Variants in PCSK5 observed in about 807,000 individuals in gnomAD.
PCSK5 encodes the protein proprotein convertase subtilisin/kexin type 5.
A neutral mutation model predicts 233.2 loss-of-function variants in PCSK5; 129 were observed. The ratio of observed to expected loss-of-function variants is 0.55; its 90% CI spans 0.48 to 0.64. The LOEUF (loss-of-function observed/expected upper bound fraction) is 0.64. PCSK5 is among the 30% of genes least tolerant of loss of function. PCSK5 has a pLI of 0.00. For synonymous variants in PCSK5, 825 were observed against 879.2 expected, an observed-to-expected ratio of 0.94 and a Z score of 1.09; for missense variants, 2,076 against 2,430.1, an observed-to-expected ratio of 0.85 and a Z score of 3.06.
chr9:76,057,552 A>G (rs972844362), intron 5 of PCSK5, among the ~76,000 whole-genome samples: 1 of 152,188 alleles, frequency 6.6e-6, no homozygotes. Context: ...TTCAGCTCAG[A>G]TAATTTCACT....
chr9:76,340,660 CTT>C (rs1244673409), intron 35 of PCSK5, among the ~76,000 whole-genome samples: 1 of 112,552 alleles, frequency 8.9e-6, no homozygotes, highest in African/African-American at 3.2e-5. Context: ...AAAAAAAAAA[CTT>C]CAAATATTGT....
intron 5 of PCSK5, among the ~76,000 whole-genome samples, chr9:76,030,609 T>TA (rs1828614633): frequency 6.6e-6 from 1 of 152,176 alleles, no homozygotes. Context: ...AAAAGAAAGT[T>TA]AAAAACCTTT....
At chr9:76,189,955 G>C (rs1824286171) in intron 20 of PCSK5, among the ~76,000 whole-genome samples, 1 of 152,130 alleles carries the variant, frequency 6.6e-6, no homozygotes, top group Admixed American at 6.5e-5. Flanking sequence ...CAGTGGCACT[G>C]GCCAATATGG....
At chr9:75,905,160 T>C (rs1159493246) in intron 1 of PCSK5, among the ~76,000 whole-genome samples, 1 of 151,858 alleles carries the variant, frequency 6.6e-6, no homozygotes, top group Non-Finnish European at 1.5e-5. Context: ...TGGTGGGAAA[T>C]GGGGAGTGGC....
At chr9:76,265,768 A>G (rs1006631969) in intron 24 of PCSK5, among the ~76,000 whole-genome samples, 1 of 152,212 alleles carries the variant, frequency 6.6e-6, no homozygotes, top group Non-Finnish European at 1.5e-5. Flanking sequence ...AAATGTATGT[A>G]TAATATATAA....
At chr9:76,310,937 A>C in intron 30 of PCSK5, 86 bp downstream of exon 30, 1 of 899,952 alleles carries the variant, frequency 1.1e-6, no homozygotes, top group Non-Finnish European at 1.6e-6. Flanking sequence ...TCACCAAAAA[A>C]CTCTTCTCTG....
chr9:76,327,195 C>T (rs749212838), intron 32 of PCSK5, among the ~76,000 whole-genome samples: 1 of 151,606 alleles, frequency 6.6e-6, no homozygotes, highest in Non-Finnish European at 1.5e-5. Context: ...CAGCCTTGAC[C>T]TCCTGGGCTC....
At chr9:76,046,173 T>G (rs75176285) in intron 5 of PCSK5, among the ~76,000 whole-genome samples, 4,233 of 84,342 alleles carry the variant, frequency 0.05, 45 homozygotes, top group South Asian at 0.2. Context: ...TTTTTTTTTT[T>G]TTTTTTTTTT....
chr9:76,014,229 A>G (rs1827853362), intron 3 of PCSK5, among the ~76,000 whole-genome samples: 1 of 152,154 alleles, frequency 6.6e-6, no homozygotes, highest in Admixed American at 6.5e-5. Flanking sequence ...TGTTCCCATA[A>G]TTATTAAATA....
intron 1 of PCSK5, among the ~76,000 whole-genome samples, chr9:75,909,701 A>T (rs1822639871): frequency 6.6e-6 from 1 of 152,196 alleles, no homozygotes; most frequent in African/African-American, 2.4e-5. Context: ...GTCTCAAGAA[A>T]AAAAATGCCC....
intron 2 of PCSK5, among the ~76,000 whole-genome samples, chr9:75,953,291 A>G (rs1046543190): frequency 7.9e-5 from 12 of 152,158 alleles, no homozygotes; most frequent in African/African-American, 2.7e-4. Flanking sequence ...GTGAGGAAGC[A>G]AAAGAAGTGA....
intron 2 of PCSK5, among the ~76,000 whole-genome samples, chr9:75,958,251 A>G (rs1825181457): frequency 6.6e-6 from 1 of 152,168 alleles, no homozygotes; most frequent in Admixed American, 6.5e-5. Flanking sequence ...GGTGAGAACA[A>G]TCCCCTGTAA....
Position 76,362,554 on chromosome 9 carries a change from A to G in PCSK5, c.*3632A>G, listed in dbSNP as rs1483794105. 2.6e-5 allele frequency among the ~76,000 whole-genome samples: 4 copies of G among 152,208 alleles called. No individual in the cohort carries two copies. The highest frequency in any genetic ancestry group is 5.9e-5 in the Non-Finnish European group (4 of 68,038). On this transcript the variant is annotated 3_prime_UTR_variant, in exon 38 of 38. Coordinates refer to ENST00000674117, the MANE Select transcript of PCSK5 (RefSeq NM_001372043.1). The stretch of plus-strand genomic sequence containing the variant: ...TTTCTGCCTCATCAGCACTGCCTCA[A>G]TCTAAGGGAGGAAACCACCCCTCAT...
chr9:76,325,149 G>A (rs896630446), intron 32 of PCSK5, among the ~76,000 whole-genome samples: 6 of 152,116 alleles, frequency 3.9e-5, no homozygotes, highest in Admixed American at 6.6e-5. Flanking sequence ...CAGAAGAGGC[G>A]GGTGTTCGTG....
At chr9:75,911,409 C>T (rs190763158) in intron 1 of PCSK5, among the ~76,000 whole-genome samples, 286 of 152,022 alleles carry the variant, frequency 1.9e-3, no homozygotes, top group African/African-American at 6.6e-3. Flanking sequence ...CCTTTGCCAT[C>T]GTTCTGTCCT....
chr9:75,934,777 T>A (rs1233791038), intron 2 of PCSK5, among the ~76,000 whole-genome samples: 1 of 152,050 alleles, frequency 6.6e-6, no homozygotes, highest in African/African-American at 2.4e-5. Flanking sequence ...AGATGGGGTT[T>A]CACCATGCTG....
In PCSK5 at chr9:76,169,687, GT is replaced by G; in HGVS notation, c.1620-13del. The G allele has an allele frequency of 6.2e-7, 1 of 1,611,408 alleles. No homozygotes were observed. The highest frequency in any genetic ancestry group is 8.5e-7 in the Non-Finnish European group (1 of 1,178,170). ...GATTTGAAATATCGCACATAACAAT[GT>G]TTTGTTCACTTTCAGGCTATTTGAT... On this transcript the variant is annotated splice_polypyrimidine_tract_variant and intron_variant, in intron 12 of 37. Coordinates refer to ENST00000674117, the MANE Select transcript of PCSK5 (RefSeq NM_001372043.1).
At chr9:75,942,803 C>T (rs2131304579) in intron 2 of PCSK5, among the ~76,000 whole-genome samples, 2 of 151,610 alleles carry the variant, frequency 1.3e-5, no homozygotes, top group East Asian at 3.9e-4. Flanking sequence ...TTTGCATAAT[C>T]TCTTTAGCCA....
chr9:76,171,729 C>T (rs1823338846), intron 13 of PCSK5, among the ~76,000 whole-genome samples: 1 of 152,164 alleles, frequency 6.6e-6, no homozygotes, highest in South Asian at 2.1e-4. Context: ...TTTAAATGTT[C>T]ACATTTAACC....
Sources: allele counts gnomAD v4.1 joint callset (sites outside exome capture counted in the v4.1 genomes callset), GRCh38; gene constraint gnomAD v4.1.1; transcripts MANE v1.5; gene names NCBI Gene and HGNC (gene_info 2026-07-23, HGNC 2026-07-21).